ANGPTL6: variants seen among roughly 807,000 people sequenced by gnomAD.
ANGPTL6 encodes the protein angiopoietin like 6, also known as angiopoietin-related protein 6.
ANGPTL6 carries 45 observed loss-of-function variants against 47.4 expected under a neutral mutation model. The ratio of observed to expected loss-of-function variants is 0.95; its 90% CI spans 0.75 to 1.22. The LOEUF is 1.22. ANGPTL6 is among the 50% of genes most tolerant of loss of function. The pLI, the probability that ANGPTL6 is intolerant of heterozygous loss-of-function variation, is 0.00. For synonymous variants in ANGPTL6, 290 were observed against 295.9 expected (o/e 0.98, Z 0.20); for missense variants, 698 against 669.4 (o/e 1.04, Z -0.47).
In ANGPTL6 at chr19:10,092,410, G is replaced by A. The variant is rs1327511979; in HGVS notation, c.*179C>T. On this transcript the variant is annotated 3_prime_UTR_variant, in exon 6 of 6. Transcript: ENST00000253109. ...GAATGACCTTGGGGAGCCATCTGAG[G>A]CCAAGATATTGACGGGGGGGATTCC... 6.6e-7 allele frequency: 1 copy of A among 1,517,730 alleles called. No individual in the cohort carries two copies. The highest frequency in any genetic ancestry group is 1.4e-5 in the African/African-American group (1 of 71,088). 94.0% of individuals were successfully genotyped at this position (1,517,730 alleles called of 1,614,324 possible). A position where few individuals can be genotyped will look rare whatever the true frequency, so the allele number is the denominator to read the frequency against.
Position 10,096,037 on chromosome 19 carries a change from C to T in ANGPTL6, c.527G>A (p.Ser176Asn). The change falls in exon 2 of 6, where the codon AGT (serine) becomes AAT (asparagine). Residue 176 changes from serine to asparagine, a missense_variant. Coordinates refer to ENST00000253109, the MANE Select transcript of ANGPTL6 (RefSeq NM_031917.3). The part of the protein sequence containing the change: ...ELAQLVTQQS[S>N]LIARLERLCP... The stretch of plus-strand genomic sequence containing the variant: ...CAGGCGCTCCAGGCGGGCGATGAGA[C>T]TGCTCTGCTGGGTGACGAGCTGCGC... 2.1e-6 allele frequency: 3 copies of T among 1,417,472 alleles called. No individual in the cohort carries two copies. The highest frequency in any genetic ancestry group is 2.8e-6 in the Non-Finnish European group (3 of 1,083,382). The allele number at this position is 1,417,472 out of a possible 1,614,324, so 87.8% of individuals were successfully genotyped here.
At chr19:10,094,710 C>A in intron 3 of ANGPTL6, 48 bp downstream of exon 3, 1 of 1,611,704 alleles carries the variant, frequency 6.2e-7, no homozygotes, top group East Asian at 2.2e-5. Flanking sequence ...AATCCTGACT[C>A]CTCAATTTTC....
At chr19:10,101,208 CA>C (rs112556873) in intron 1 of ANGPTL6, among the ~76,000 whole-genome samples, 17,714 of 148,872 alleles carry the variant, frequency 0.12, 1,096 homozygotes, top group African/African-American at 0.14. Context: ...GACTCTGTCT[CA>C]AAAAAAAATA....
At chr19:10,096,650 CGCGCGTCT>C in intron 1 of ANGPTL6, 77 bp from the exon 2 acceptor site, 1 of 1,143,680 alleles carries the variant, frequency 8.7e-7, no homozygotes, top group Non-Finnish European at 1.2e-6. Context: ...CGCGGGGATG[CGCGCGTCT>C]ACACCCGCGA....
Position 10,092,691 on chromosome 19 carries a change from G to C in ANGPTL6, c.1311C>G (p.His437Gln). The change falls in exon 6 of 6, where the codon CAC (histidine) becomes CAG (glutamine). Residue 437 changes from histidine to glutamine, a missense_variant. Physicochemically the swap from His to Gln is conservative, Grantham distance 24. Coordinates refer to ENST00000253109, the MANE Select transcript of ANGPTL6 (RefSeq NM_031917.3). ...NLNGVWHHGG[H>Q]YRSRYQDGVY... ...CACCATCCTGGTAGCGGCTTCGGTA[G>C]TGGCCGCCGTGGTGCCACACACCGT... The C allele has an allele frequency of 6.2e-7, 1 of 1,614,068 alleles. No individual in the cohort carries two copies. The highest frequency in any genetic ancestry group is 8.5e-7 in the Non-Finnish European group (1 of 1,179,932).
intron 3 of ANGPTL6, among the ~76,000 whole-genome samples, chr19:10,094,192 G>T (rs1304476603): frequency 2.0e-5 from 3 of 151,908 alleles, no homozygotes. Context: ...TGTCACTCAG[G>T]CTGGAGTGCA....
Position 10,096,346 on chromosome 19 carries a change from T to C in ANGPTL6, c.218A>G (p.Glu73Gly), listed in dbSNP as rs1280510524. The C allele has an allele frequency of 3.0e-5, 39 of 1,286,724 alleles. No homozygotes were observed. Among genetic ancestry groups the C allele is most frequent in the Non-Finnish European group, 3.8e-5 (39 of 1,022,148 alleles). The allele number at this position is 1,286,724 out of a possible 1,614,324, so 79.7% of individuals were successfully genotyped here. Residue 73 changes from glutamate to glycine, a missense_variant, in exon 2 of 6, where the codon GAG becomes GGG. Glu to Gly is a moderately conservative substitution (Grantham distance 98). Coordinates refer to ENST00000253109, the MANE Select transcript of ANGPTL6 (RefSeq NM_031917.3). ...AALRMRVGRH[E>G]ELLRELQRLA... ...CCTCTGCAGCTCGCGTAACAGCTCC[T>C]CGTGGCGGCCGACGCGCATGCGCAG...
Position 10,092,729 on chromosome 19 carries a change from G to C in ANGPTL6, c.1273C>G (p.His425Asp). 6.2e-7 allele frequency: 1 copy of C among 1,613,252 alleles called. No homozygotes were observed. The highest frequency in any genetic ancestry group is 1.1e-5 in the South Asian group (1 of 91,030). ...RGGWWYHACA[H>D]SNLNGVWHHG... is the part of the protein sequence containing the mutation. ...TGCCACACACCGTTGAGGTTGGAGTGGGCACAGGCATGGTACCACCAGCCT... is the reference window on the plus strand; with the variant it reads ...TGCCACACACCGTTGAGGTTGGAGTCGGCACAGGCATGGTACCACCAGCCT... Residue 425 changes from histidine to aspartate, a missense_variant, in exon 6 of 6, where the codon CAC becomes GAC. By Grantham distance (81) the His-to-Asp change is moderately conservative. Transcript: ENST00000253109.
chr19:10,102,992 T>A (rs1000907135), upstream of ANGPTL6, among the ~76,000 whole-genome samples: 5 of 151,676 alleles, frequency 3.3e-5, no homozygotes, highest in Non-Finnish European at 7.4e-5. Context: ...AAGAGGAACA[T>A]CACTGGGGAC....
Position 10,092,560 on chromosome 19 carries a change from T to G in ANGPTL6, c.*29A>C. The G allele has an allele frequency of 1.3e-6, 2 of 1,577,798 alleles. No homozygotes were observed. Among genetic ancestry groups the G allele is most frequent in the Non-Finnish European group, 1.7e-6 (2 of 1,157,822 alleles). ...TGGGCTCCTGCTGACCAATGTCCTC[T>G]AGGGCCTAGGGGACAGAGGAACACA... is the stretch of plus-strand genomic sequence containing the variant. On this transcript the variant is annotated 3_prime_UTR_variant, in exon 6 of 6. Coordinates refer to ENST00000253109, the MANE Select transcript of ANGPTL6 (RefSeq NM_031917.3).
At chr19:10,100,673 G>A (rs1342865031) in intron 1 of ANGPTL6, among the ~76,000 whole-genome samples, 2 of 152,232 alleles carry the variant, frequency 1.3e-5, no homozygotes, top group Non-Finnish European at 2.9e-5. Flanking sequence ...TTTAGGCAAT[G>A]AGGACACAGC....
intron 1 of ANGPTL6, among the ~76,000 whole-genome samples, chr19:10,098,169 C>A (rs28379440): frequency 6.6e-6 from 1 of 151,858 alleles, no homozygotes; most frequent in Admixed American, 6.6e-5. Flanking sequence ...CAGGTGTGAC[C>A]CACCATGCCC....
upstream of ANGPTL6, among the ~76,000 whole-genome samples, chr19:10,103,820 C>A (rs111229035): frequency 2.1e-3 from 317 of 150,856 alleles, 3 homozygotes; most frequent in African/African-American, 7.2e-3. Flanking sequence ...TAAGGCTGGG[C>A]GCGGTGGCTC....
Position 10,092,681 on chromosome 19 carries a change from G to A in ANGPTL6, c.1321C>T (p.Arg441Cys), listed in dbSNP as rs754045862. The change falls in exon 6 of 6, where the codon CGC (arginine) becomes TGC (cysteine). Residue 441 changes from arginine (R) to cysteine (C), a missense_variant. Coordinates refer to ENST00000253109, the MANE Select transcript of ANGPTL6 (RefSeq NM_031917.3). Reference protein sequence around the residue: ...VWHHGGHYRSRYQDGVYWAEF... With the variant: ...VWHHGGHYRSCYQDGVYWAEF... ...GCCCAGTAGACACCATCCTGGTAGC[G>A]GCTTCGGTAGTGGCCGCCGTGGTGC... The A allele has an allele frequency of 2.1e-5, 34 of 1,613,906 alleles. No individual in the cohort carries two copies. Among genetic ancestry groups the A allele is most frequent in the South Asian group, 9.9e-5 (9 of 91,078 alleles).
rs1189919289 is a variant in ANGPTL6, at chr19:10,096,447, C to G, written c.117G>C (p.Thr39=). The G allele has an allele frequency of 2.7e-6, 4 of 1,459,024 alleles. No individual in the cohort carries two copies. Among genetic ancestry groups the G allele is most frequent in the Non-Finnish European group, 3.6e-6 (4 of 1,114,558 alleles). The allele number at this position is 1,459,024 out of a possible 1,614,324, so 90.4% of individuals were successfully genotyped here. A position where few individuals can be genotyped will look rare whatever the true frequency, so the allele number is the denominator to read the frequency against. ...CGGGGCCGCTCCAGCACACAGCGCCCGTGAACTTCTGCGGGGGCAGCACGA... is the reference window on the plus strand; with the variant it reads ...CGGGGCCGCTCCAGCACACAGCGCCGGTGAACTTCTGCGGGGGCAGCACGA... ...YTFVLPPQKF[T]GAVCWSGPAS... Residue 39 remains threonine (T), a synonymous_variant, in exon 2 of 6, where the codon ACG becomes ACC. Transcript: ENST00000253109.
intron 1 of ANGPTL6, among the ~76,000 whole-genome samples, chr19:10,098,680 C>T (rs1169390800): frequency 7.9e-5 from 12 of 151,942 alleles, no homozygotes; most frequent in Non-Finnish European, 1.3e-4. Context: ...CAAAATTAGC[C>T]GGGTGTGGTG....
intron 5 of ANGPTL6, 31 bp downstream of exon 5, chr19:10,093,318 A>G (rs1201858281): frequency 1.3e-6 from 2 of 1,596,864 alleles, no homozygotes; most frequent in African/African-American, 1.3e-5. Context: ...CGCCTCCCCT[A>G]TCCTCTCACC....
chr19:10,104,326 G>C (rs1018130848), upstream of ANGPTL6, among the ~76,000 whole-genome samples: 1 of 151,466 alleles, frequency 6.6e-6, no homozygotes, highest in East Asian at 1.9e-4. Context: ...TGGTGTGTGT[G>C]TGTGTGTGTG....
At chr19:10,101,628 T>A (rs2088680811) in intron 1 of ANGPTL6, among the ~76,000 whole-genome samples, 1 of 147,414 alleles carries the variant, frequency 6.8e-6, no homozygotes, top group African/African-American at 2.5e-5. Context: ...GCCAACATGG[T>A]GAAACCCCGT....
Sources: gnomAD v4.1 joint callset for allele counts (sites outside exome capture counted in the v4.1 genomes callset) on GRCh38, gnomAD v4.1.1 for gene constraint, MANE v1.5 for transcripts, NCBI Gene and HGNC (gene_info 2026-07-23, HGNC 2026-07-21) for gene names.